The following PCCA variants were observed in gnomAD, a reference collection of about 807,000 sequenced individuals.
PCCA encodes the protein propionyl-CoA carboxylase alpha chain, mitochondrial.
In PCCA, 74 loss-of-function variants were observed where a neutral mutation model predicts 101.3. That is an observed-to-expected ratio of 0.73 (90% confidence interval 0.61 to 0.89). PCCA has a LOEUF of 0.89. Ranked by LOEUF, PCCA falls within the 40% of genes least tolerant of loss-of-function variation. PCCA has a pLI of 0.00. For synonymous variants in PCCA, 294 were observed against 313.6 expected, an observed-to-expected ratio of 0.94 and a Z score of 0.66; for missense variants, 891 against 907.0, an observed-to-expected ratio of 0.98 and a Z score of 0.23.
intron 18 of PCCA, among the ~76,000 whole-genome samples, chr13:100,357,263 T>A (rs1219057326): frequency 6.6e-6 from 1 of 152,268 alleles, no homozygotes; most frequent in Non-Finnish European, 1.5e-5. Context: ...GAATTTGTTT[T>A]CCTAATGGTA....
intron 21 of PCCA, among the ~76,000 whole-genome samples, chr13:100,496,469 G>A (rs1167447078): frequency 1.3e-5 from 2 of 151,716 alleles, no homozygotes; most frequent in African/African-American, 2.4e-5. Flanking sequence ...TCACAGTCAG[G>A]TTGTTACTCA....
At chr13:100,388,622 C>T (rs906742709) in intron 19 of PCCA, among the ~76,000 whole-genome samples, 2 of 152,206 alleles carry the variant, frequency 1.3e-5, no homozygotes, top group African/African-American at 4.8e-5. Context: ...ATGGTGAAAC[C>T]CAGTCTCTAC....
chr13:100,359,730 G>T (rs1375799556), intron 18 of PCCA, among the ~76,000 whole-genome samples: 1 of 151,980 alleles, frequency 6.6e-6, no homozygotes, highest in East Asian at 1.9e-4. Flanking sequence ...TAAAACTAAG[G>T]CAAAAATAGG....
intron 7 of PCCA, among the ~76,000 whole-genome samples, chr13:100,232,923 G>A (rs1490823772): frequency 6.6e-6 from 1 of 152,174 alleles, no homozygotes; most frequent in Non-Finnish European, 1.5e-5. Context: ...TTGAATTAAT[G>A]TATAAGTGGT....
chr13:100,367,767 A>G (rs1292756413), intron 18 of PCCA, among the ~76,000 whole-genome samples: 1 of 150,754 alleles, frequency 6.6e-6, no homozygotes, highest in East Asian at 2.0e-4. Flanking sequence ...GACCAGCCTG[A>G]CCAAAATAGT....
chr13:100,357,204 A>G (rs746409039), intron 18 of PCCA, among the ~76,000 whole-genome samples: 4 of 152,240 alleles, frequency 2.6e-5, no homozygotes, highest in Non-Finnish European at 5.9e-5. Flanking sequence ...TGTGAATTTC[A>G]TCTCAAACTG....
At chr13:100,124,045 G>A (rs2049701130) in intron 4 of PCCA, among the ~76,000 whole-genome samples, 1 of 152,126 alleles carries the variant, frequency 6.6e-6, no homozygotes, top group Non-Finnish European at 1.5e-5. Flanking sequence ...ATTTAAGATT[G>A]TTGTACTTCT....
At chr13:100,093,312 T>C (rs536848077) in intron 1 of PCCA, among the ~76,000 whole-genome samples, 1 of 152,290 alleles carries the variant, frequency 6.6e-6, no homozygotes, top group Admixed American at 6.5e-5. Context: ...TCAGTTAATA[T>C]TTAATTGAAT....
rs375718218 is a variant in PCCA at position 100,291,981 on chromosome 13, C to T, written c.1066-9479C>T. Among the ~76,000 whole-genome samples the T allele has an allele frequency of 9.8e-4, 149 of 152,270 alleles. 4 individuals carry two copies. In the South Asian group the frequency reaches 0.028, roughly 29 times the overall value. On this transcript the variant is annotated intron_variant, in intron 12 of 23. Coordinates refer to ENST00000376285, the MANE Select transcript of PCCA (RefSeq NM_000282.4). Reference sequence around the variant, plus strand: ...CCCAGTTTTTGGCTCTCATCTTCTCCCTAGATCTTGGTGCTTCCCATGTCC... The same window carrying T: ...CCCAGTTTTTGGCTCTCATCTTCTCTCTAGATCTTGGTGCTTCCCATGTCC...
intron 19 of PCCA, among the ~76,000 whole-genome samples, chr13:100,397,142 T>C (rs1331194865): frequency 1.3e-5 from 2 of 152,140 alleles, no homozygotes; most frequent in Non-Finnish European, 2.9e-5. Flanking sequence ...ATTATTAGAG[T>C]GGCCATTATT....
At chr13:100,527,031 T>C (rs2087888206) in intron 22 of PCCA, among the ~76,000 whole-genome samples, 1 of 152,146 alleles carries the variant, frequency 6.6e-6, no homozygotes, top group African/African-American at 2.4e-5. Flanking sequence ...ACAGTGGTCC[T>C]CGTGGCGCCA....
rs1566334267 is a variant in PCCA, at chr13:100,449,236, CTTGT to C, written c.1846-9_1846-6del. ...GCAGATATGAGTTCATTTTATATCTCTTGTTTGTTTTTTAGTGTCTTTCTCGAGA... is the reference window on the plus strand; with the variant it reads ...GCAGATATGAGTTCATTTTATATCTCTTGTTTTTTAGTGTCTTTCTCGAGA... On this transcript the variant is annotated splice_polypyrimidine_tract_variant and intron_variant, in intron 20 of 23. Transcript: ENST00000376285. The C allele has an allele frequency of 6.6e-7, 1 of 1,518,654 alleles. No individual in the cohort carries two copies. The highest frequency in any genetic ancestry group is 2.5e-5 in the East Asian group (1 of 40,676). 94.1% of individuals were successfully genotyped at this position (1,518,654 alleles called of 1,614,324 possible).
At chr13:100,491,788 A>G (rs1350005439) in intron 21 of PCCA, 17 of 1,156,488 alleles carry the variant, frequency 1.5e-5, no homozygotes, top group Non-Finnish European at 1.9e-5. Flanking sequence ...CTTTTATTTT[A>G]AATCTCCAAT....
At chr13:100,110,295 AATGTGT>A (rs1390594669) in intron 2 of PCCA, among the ~76,000 whole-genome samples, 2 of 152,216 alleles carry the variant, frequency 1.3e-5, no homozygotes, top group African/African-American at 4.8e-5. Context: ...ACCGTGTGCT[AATGTGT>A]ATTACATCCA....
intron 2 of PCCA, among the ~76,000 whole-genome samples, chr13:100,107,239 T>A (rs2047888547): frequency 6.6e-6 from 1 of 152,244 alleles, no homozygotes; most frequent in Admixed American, 6.5e-5. Flanking sequence ...TTATTTTTTT[T>A]AACTTGAGTT....
chr13:100,321,558 G>A (rs1003964836), intron 16 of PCCA, among the ~76,000 whole-genome samples: 4 of 141,218 alleles, frequency 2.8e-5, no homozygotes, highest in Non-Finnish European at 4.6e-5. Flanking sequence ...TGAAATAGCT[G>A]TGTAGATCTC....
intron 8 of PCCA, among the ~76,000 whole-genome samples, chr13:100,242,154 T>C (rs2061177266): frequency 6.6e-6 from 1 of 152,174 alleles, no homozygotes; most frequent in Non-Finnish European, 1.5e-5. Flanking sequence ...GACTCAACTA[T>C]ATGCTGTCTA....
In PCCA at chr13:100,089,206, C is replaced by A; in HGVS notation, c.86C>A (p.Ala29Glu). The A allele has an allele frequency of 2.0e-6, 3 of 1,522,664 alleles. No individual in the cohort carries two copies. Among genetic ancestry groups the A allele is most frequent in the Non-Finnish European group, 1.8e-6 (2 of 1,136,508 alleles). The allele number at this position is 1,522,664 out of a possible 1,614,324, so 94.3% of individuals were successfully genotyped here. A position where few individuals can be genotyped will look rare whatever the true frequency, so the allele number is the denominator to read the frequency against. The part of the protein sequence containing the change: ...RWPPQQLMLS[A>E]ALRTLKHVLY... ...CCGCCGCAGCAGCTGATGCTGAGCG[C>A]GGCGCTGCGGACCCTGAAGGTGAGG... The change falls in exon 1 of 24, where the codon GCG (alanine) becomes GAG (glutamate). Residue 29 changes from alanine to glutamate, a missense_variant. Coordinates refer to ENST00000376285, the MANE Select transcript of PCCA (RefSeq NM_000282.4).
chr13:100,241,824 A>G (rs2061156338), intron 8 of PCCA, among the ~76,000 whole-genome samples: 1 of 152,162 alleles, frequency 6.6e-6, no homozygotes, highest in African/African-American at 2.4e-5. Context: ...TGGCTATTGT[A>G]AATGGTACTG....
Sources: gnomAD v4.1 joint callset for allele counts (sites outside exome capture counted in the v4.1 genomes callset) on GRCh38, gnomAD v4.1.1 for gene constraint, MANE v1.5 for transcripts, NCBI Gene and HGNC (gene_info 2026-07-23, HGNC 2026-07-21) for gene names.